Variants in GXYLT1 observed in about 807,000 individuals in gnomAD.
GXYLT1 encodes glycosyltransferase 8 domain containing 3.
Under a neutral mutation model 54.0 loss-of-function variants are expected in GXYLT1, and 29 were observed. The ratio of observed to expected loss-of-function variants is 0.54; its 90% CI spans 0.40 to 0.73. The LOEUF (loss-of-function observed/expected upper bound fraction) is 0.73. GXYLT1 is among the 30% of genes least tolerant of loss of function. The pLI, the probability that GXYLT1 is intolerant of heterozygous loss-of-function variation, is 0.00. For synonymous variants in GXYLT1, 176 were observed against 204.1 expected (o/e 0.86, Z 1.17); for missense variants, 490 against 553.4 (o/e 0.89, Z 1.15).
intron 7 of GXYLT1, among the ~76,000 whole-genome samples, chr12:42,090,787 TA>T (rs1410991848): frequency 1.9e-4 from 29 of 152,346 alleles, no homozygotes; most frequent in African/African-American, 6.7e-4. Flanking sequence ...AGGTGTAAAG[TA>T]AATCAAAGTT....
At chr12:42,115,991 C>T (rs898185568) in intron 3 of GXYLT1, among the ~76,000 whole-genome samples, 1 of 151,250 alleles carries the variant, frequency 6.6e-6, no homozygotes, top group African/African-American at 2.4e-5. Context: ...CTATAACTAT[C>T]TGATCTTTGA....
chr12:42,110,171 G>A (rs892636703), intron 3 of GXYLT1, among the ~76,000 whole-genome samples: 1 of 152,148 alleles, frequency 6.6e-6, no homozygotes, highest in Non-Finnish European at 1.5e-5. Flanking sequence ...AAATATTTCT[G>A]AGAATATTCT....
chr12:42,097,931 T>A lies in GXYLT1; in HGVS notation c.967A>T (p.Ile323Phe). ...TTACCTGGATTATGAAAAAACACGA[T>A]ATTCAATAGATCTTGATCACCCCAT... The part of the protein sequence containing the change: ...ITWGDQDLLN[I>F]VFFHNPESLF... The change falls in exon 6 of 8, where the codon ATC (isoleucine) becomes TTC (phenylalanine). Residue 323 changes from isoleucine to phenylalanine, a missense_variant. Physicochemically the swap from Ile to Phe is conservative, Grantham distance 21. Coordinates refer to ENST00000398675, the MANE Select transcript of GXYLT1 (RefSeq NM_173601.2). The A allele has an allele frequency of 1.3e-6, 2 of 1,595,954 alleles. No homozygotes were observed. Among genetic ancestry groups the A allele is most frequent in the Non-Finnish European group, 1.7e-6 (2 of 1,168,188 alleles).
In GXYLT1 at chr12:42,087,440, C is replaced by T. The variant is rs533488151; in HGVS notation, c.*346G>A. On this transcript the variant is annotated 3_prime_UTR_variant, in exon 8 of 8. Transcript: ENST00000398675. ...CTCTACTCACAGTCTTGAGTGTTGG[C>T]ACTGTTTGAGGTACATTTTCTCCAT... is the stretch of plus-strand genomic sequence containing the variant. The T allele has an allele frequency of 5.3e-6, 1 of 187,870 alleles. No homozygotes were observed. The highest frequency in any genetic ancestry group is 1.0e-4 in the South Asian group (1 of 9,554). 11.6% of individuals were successfully genotyped at this position (187,870 alleles called of 1,614,324 possible).
chr12:42,137,502 T>A (rs1438248764), intron 1 of GXYLT1, among the ~76,000 whole-genome samples: 1 of 35,562 alleles, frequency 2.8e-5, no homozygotes. Context: ...AGCATCTGTT[T>A]CAAAAAAAAA....
At chr12:42,102,308 G>A (rs1397802586) in intron 5 of GXYLT1, among the ~76,000 whole-genome samples, 2 of 152,148 alleles carry the variant, frequency 1.3e-5, no homozygotes, top group African/African-American at 2.4e-5. Context: ...CAAGATGTTC[G>A]TTGTTGTTAT....
intron 1 of GXYLT1, 139 bp from the exon 2 acceptor site, chr12:42,129,990 G>A: frequency 1.7e-6 from 1 of 575,254 alleles, no homozygotes; most frequent in East Asian, 3.0e-5. Context: ...CTATGATAAA[G>A]ATTTTGGAAA....
intron 2 of GXYLT1, among the ~76,000 whole-genome samples, chr12:42,126,035 A>C (rs902802504): frequency 2.6e-5 from 4 of 151,818 alleles, no homozygotes; most frequent in Non-Finnish European, 5.9e-5. Context: ...AAAAAAACAA[A>C]CAAACCAAAC....
Position 42,144,531 on chromosome 12 carries a change from C to T in GXYLT1, c.116G>A (p.Gly39Glu), listed in dbSNP as rs1224756128. Reference sequence around the variant, plus strand: ...GGAAGCCACCGCGGCCTGCGGCTTCCCGCCACCGCCGCCCGTTCCTTCTTC... The same window carrying T: ...GGAAGCCACCGCGGCCTGCGGCTTCTCGCCACCGCCGCCCGTTCCTTCTTC... Reference protein sequence around the residue: ...SLEEGTGGGGGKPQAAVASWL... With the variant: ...SLEEGTGGGGEKPQAAVASWL... Residue 39 changes from glycine to glutamate, a missense_variant, in exon 1 of 8, where the codon GGG becomes GAG. Gly to Glu is a moderately conservative substitution (Grantham distance 98). Coordinates refer to ENST00000398675, the MANE Select transcript of GXYLT1 (RefSeq NM_173601.2). 6.3e-6 allele frequency: 9 copies of T among 1,426,074 alleles called. 1 individual carries two copies. The East Asian group carries it at 1.8e-4, about 29-fold the overall frequency. The allele number at this position is 1,426,074 out of a possible 1,614,324, so 88.3% of individuals were successfully genotyped here. A position where few individuals can be genotyped will look rare whatever the true frequency, so the allele number is the denominator to read the frequency against.
chr12:42,123,650 A>C lies in GXYLT1; in HGVS notation c.315-4479T>G, dbSNP rs376560001. 1.1e-4 allele frequency among the ~76,000 whole-genome samples: 17 copies of C among 152,252 alleles called. No homozygotes were observed. The East Asian group carries it at 2.7e-3, about 24-fold the overall frequency. ...CTTTTTTGATTTTGTTTTATTTCAC[A>C]GTATGATCTCCAGTGTGTTCTTATA... On this transcript the variant is annotated intron_variant, in intron 2 of 7. Coordinates refer to ENST00000398675, the MANE Select transcript of GXYLT1 (RefSeq NM_173601.2).
At chr12:42,106,805 G>A in intron 4 of GXYLT1, among the ~76,000 whole-genome samples, 1 of 144,000 alleles carries the variant, frequency 6.9e-6, no homozygotes, top group Non-Finnish European at 1.5e-5. Flanking sequence ...GAGTGCAGTA[G>A]TGTGATCTCA....
At chr12:42,117,539 AC>A (rs904944127) in intron 3 of GXYLT1, among the ~76,000 whole-genome samples, 25 of 152,260 alleles carry the variant, frequency 1.6e-4, no homozygotes, top group African/African-American at 5.1e-4. Flanking sequence ...CCTGAAAAAA[AC>A]ATCAAATATA....
chr12:42,090,163 CATT>C (rs59832570), intron 7 of GXYLT1, among the ~76,000 whole-genome samples: 3,652 of 152,098 alleles, frequency 0.024, 141 homozygotes, highest in African/African-American at 0.084. Flanking sequence ...AACAGTGTCT[CATT>C]AGTTAGACCT....
chr12:42,132,775 T>A (rs1259598965), intron 1 of GXYLT1, among the ~76,000 whole-genome samples: 2 of 151,948 alleles, frequency 1.3e-5, no homozygotes, highest in South Asian at 2.1e-4. Context: ...GGGGCAATGT[T>A]TTTGTTTTGT....
At position 42,144,715 on chromosome 12, in the gene GXYLT1, G is replaced by T; in HGVS notation, c.-69C>A. 2 of 1,211,414 alleles carry T rather than the reference G, an allele frequency of 1.7e-6. No homozygotes were observed. Among genetic ancestry groups the T allele is most frequent in the Non-Finnish European group, 2.1e-6 (2 of 940,162 alleles). 75.0% of individuals were successfully genotyped at this position (1,211,414 alleles called of 1,614,324 possible). A position where few individuals can be genotyped will look rare whatever the true frequency, so the allele number is the denominator to read the frequency against. On this transcript the variant is annotated 5_prime_UTR_variant, in exon 1 of 8. Coordinates refer to ENST00000398675, the MANE Select transcript of GXYLT1 (RefSeq NM_173601.2). ...CCCGACGAACTGGAGCGGAGGGAGG[G>T]GCACCGCGCAGCCGCGGGCGCAACA...
chr12:42,118,977 T>C (rs1234865772), intron 3 of GXYLT1, 23 bp downstream of exon 3: 1 of 1,538,140 alleles, frequency 6.5e-7, no homozygotes, highest in Admixed American at 1.8e-5. Flanking sequence ...CTCTACAACC[T>C]TGACTATGTC....
At chr12:42,139,203 TAAAAAAA>T in intron 1 of GXYLT1, among the ~76,000 whole-genome samples, 1 of 143,252 alleles carries the variant, frequency 7.0e-6, no homozygotes, top group Non-Finnish European at 1.5e-5. Flanking sequence ...GTCTCAGAAA[TAAAAAAA>T]AAAAGATTTC....
At chr12:42,098,760 C>CATATATAGATATATATATATATATAT (rs2065372050) in intron 5 of GXYLT1, among the ~76,000 whole-genome samples, 1 of 96,918 alleles carries the variant, frequency 1.0e-5, no homozygotes, top group Non-Finnish European at 2.0e-5. Flanking sequence ...AAATTTAAAA[C>CATATATAGATATATATATATATATAT]ATATATATAT....
At chr12:42,108,250 G>A (rs1409940026) in intron 4 of GXYLT1, among the ~76,000 whole-genome samples, 2 of 152,158 alleles carry the variant, frequency 1.3e-5, no homozygotes, top group Non-Finnish European at 2.9e-5. Flanking sequence ...GTGCCATGGT[G>A]CCAAGTGTTA....
Sources: gnomAD v4.1 joint callset for allele counts (sites outside exome capture counted in the v4.1 genomes callset) on GRCh38, gnomAD v4.1.1 for gene constraint, MANE v1.5 for transcripts, NCBI Gene and HGNC (gene_info 2026-07-23, HGNC 2026-07-21) for gene names.